Variants in ARHGAP6 observed in about 807,000 individuals in gnomAD.
ARHGAP6 encodes the protein Rho GTPase activating protein 6, also known as rho GTPase-activating protein 6.
ARHGAP6 carries 16 observed loss-of-function variants against 55.7 expected under a neutral mutation model. That is an observed-to-expected ratio of 0.29 (90% CI 0.19 to 0.44). The LOEUF (loss-of-function observed/expected upper bound fraction) is 0.44, where lower values mean the gene tolerates loss of function less well. ARHGAP6 is among the 20% of genes least tolerant of loss of function. ARHGAP6 has a pLI of 1.00. For synonymous variants in ARHGAP6, 382 were observed against 360.9 expected, an observed-to-expected ratio of 1.06 and a Z score of -0.66; for missense variants, 698 against 808.9, an observed-to-expected ratio of 0.86 and a Z score of 1.66.
In ARHGAP6 at chrX:11,622,491, G is replaced by A. The variant is rs183460089; in HGVS notation, c.588+41750C>T. Reference sequence around the variant, plus strand: ...ACCAAAGAAACAGAAAGACTGTTCAGAGAAATAGTTACCAAACCAGGGGGT... The same window carrying A: ...ACCAAAGAAACAGAAAGACTGTTCAAAGAAATAGTTACCAAACCAGGGGGT... On this transcript the variant is annotated intron_variant, in intron 1 of 12. Transcript: ENST00000337414. 3.7e-4 allele frequency among the ~76,000 whole-genome samples: 41 copies of A among 111,883 alleles called. No homozygotes were observed. The East Asian group carries it at 0.011, about 31-fold the overall frequency.
At chrX:11,640,768 C>A (rs1036228006) in intron 1 of ARHGAP6, among the ~76,000 whole-genome samples, 2 of 111,530 alleles carry the variant, frequency 1.8e-5, no homozygotes, top group African/African-American at 3.2e-5. Flanking sequence ...TTCTGTCTAC[C>A]TCCAGAGGCA....
chrX:11,314,664 C>A (rs1389777404), intron 1 of ARHGAP6, among the ~76,000 whole-genome samples: 1 of 111,601 alleles, frequency 9.0e-6, no homozygotes, highest in African/African-American at 3.3e-5. Flanking sequence ...TGGTATATAT[C>A]CTTAGCAAAC....
At chrX:11,151,336 C>G (rs1344614060) in intron 10 of ARHGAP6, among the ~76,000 whole-genome samples, 2 of 108,499 alleles carry the variant, frequency 1.8e-5, no homozygotes, top group Non-Finnish European at 3.8e-5. Flanking sequence ...CTAATCTTGG[C>G]TCACTGCAGC....
intron 1 of ARHGAP6, among the ~76,000 whole-genome samples, chrX:11,355,227 C>T (rs1298001592): frequency 9.0e-6 from 1 of 111,634 alleles, no homozygotes; most frequent in Non-Finnish European, 1.9e-5. Flanking sequence ...GAAAAGTGAC[C>T]ACGCAATGGA....
At chrX:11,559,718 G>C (rs1381108491) in intron 1 of ARHGAP6, among the ~76,000 whole-genome samples, 1 of 110,007 alleles carries the variant, frequency 9.1e-6, no homozygotes, top group Non-Finnish European at 1.9e-5. Flanking sequence ...ACGAGGTCAG[G>C]AGATCAAGAC....
chrX:11,557,986 T>G (rs1394530763), intron 1 of ARHGAP6, among the ~76,000 whole-genome samples: 1 of 111,785 alleles, frequency 8.9e-6, no homozygotes, highest in South Asian at 3.7e-4. Context: ...CCACAATGCA[T>G]GCTCAAATCT....
At chrX:11,202,412 C>G (rs1161679165) in intron 2 of ARHGAP6, among the ~76,000 whole-genome samples, 2 of 110,871 alleles carry the variant, frequency 1.8e-5, no homozygotes, top group African/African-American at 3.3e-5. Flanking sequence ...AATTAGATTC[C>G]TGGATGCATT....
At chrX:11,427,482 C>T in intron 1 of ARHGAP6, 19 of 926,613 alleles carry the variant, frequency 2.1e-5, no homozygotes, top group Non-Finnish European at 2.6e-5. Context: ...CATCGCCCCT[C>T]GCAGTCCCCA....
chrX:11,485,546 C>T (rs762944397), intron 1 of ARHGAP6, among the ~76,000 whole-genome samples: 2 of 112,765 alleles, frequency 1.8e-5, no homozygotes, highest in Admixed American at 9.4e-5. Context: ...CTACTTTTGT[C>T]TCTCTTCCAC....
intron 1 of ARHGAP6, among the ~76,000 whole-genome samples, chrX:11,391,227 C>T (rs375964428): frequency 4.5e-5 from 5 of 111,599 alleles, no homozygotes; most frequent in African/African-American, 1.6e-4. Flanking sequence ...AAAAACCAAA[C>T]ACCACATGTT....
At chrX:11,305,027 C>T (rs955691157) in intron 1 of ARHGAP6, among the ~76,000 whole-genome samples, 8 of 109,870 alleles carry the variant, frequency 7.3e-5, no homozygotes, top group African/African-American at 2.3e-4. Flanking sequence ...ACCTCCTGAT[C>T]TGCCTGCCTC....
intron 1 of ARHGAP6, among the ~76,000 whole-genome samples, chrX:11,332,037 C>T (rs969917580): frequency 3.6e-5 from 4 of 111,966 alleles, no homozygotes; most frequent in African/African-American, 9.7e-5. Context: ...TCAAATGATA[C>T]GTTTACCTCC....
rs750583407 is a variant in ARHGAP6 at position 11,664,367 on chromosome X, G to A, written c.462C>T (p.Ser154=). The change falls in exon 1 of 13, where the codon AGC becomes AGT. Residue 154 remains serine, a synonymous_variant. Transcript: ENST00000337414. ...AGPASSRSAS[S]ILCSSGGGPN... is the part of the protein sequence containing the mutation. ...GGCCTCCCCCGGATGAACAGAGGAT[G>A]CTGGAAGCGCTTCGGCTACTGGCTG... The A allele has an allele frequency of 1.4e-5, 17 of 1,211,244 alleles. No individual in the cohort carries two copies. The highest frequency in any genetic ancestry group is 1.3e-4 in the Admixed American group (6 of 46,056).
intron 1 of ARHGAP6, among the ~76,000 whole-genome samples, chrX:11,289,061 G>A (rs1451878858): frequency 8.9e-6 from 1 of 112,148 alleles, no homozygotes; most frequent in Non-Finnish European, 1.9e-5. Context: ...CTCTTCAACT[G>A]CATATAATTT....
intron 1 of ARHGAP6, among the ~76,000 whole-genome samples, chrX:11,492,339 A>T (rs1166914140): frequency 8.9e-6 from 1 of 111,980 alleles, no homozygotes; most frequent in Non-Finnish European, 1.9e-5. Context: ...AACCATAAAA[A>T]CCCTAGAAGA....
At chrX:11,284,741 A>T (rs1201053826) in intron 1 of ARHGAP6, among the ~76,000 whole-genome samples, 1 of 111,632 alleles carries the variant, frequency 9.0e-6, no homozygotes, top group East Asian at 2.8e-4. Context: ...CTTGAACAAG[A>T]TTTCCCAACT....
At chrX:11,249,599 G>A (rs2047396827) in intron 2 of ARHGAP6, among the ~76,000 whole-genome samples, 1 of 111,321 alleles carries the variant, frequency 9.0e-6, no homozygotes, top group Non-Finnish European at 1.9e-5. Flanking sequence ...TGGTGTTTAG[G>A]TTGCATTTCT....
chrX:11,658,201 A>G (rs186528771), intron 1 of ARHGAP6, among the ~76,000 whole-genome samples: 38 of 111,659 alleles, frequency 3.4e-4, no homozygotes, highest in African/African-American at 1.2e-3. Context: ...ATGCTACCCA[A>G]GGTTCTTTCT....
chrX:11,598,906 A>G (rs760390741), intron 1 of ARHGAP6, among the ~76,000 whole-genome samples: 7 of 110,452 alleles, frequency 6.3e-5, no homozygotes, highest in African/African-American at 2.3e-4. Context: ...AAACATTTTT[A>G]AAGTGGCCCA....
Sources: gnomAD v4.1 joint callset for allele counts (sites outside exome capture counted in the v4.1 genomes callset) on GRCh38, gnomAD v4.1.1 for gene constraint, MANE v1.5 for transcripts, NCBI Gene and HGNC (gene_info 2026-07-23, HGNC 2026-07-21) for gene names.